Variants in SLAMF6 observed in about 807,000 individuals in gnomAD.
SLAMF6 encodes the protein NK-T-B-antigen.
A neutral mutation model predicts 38.3 loss-of-function variants in SLAMF6; 21 were observed. That is an observed-to-expected ratio of 0.55 (90% CI 0.39 to 0.79). The LOEUF (loss-of-function observed/expected upper bound fraction) is 0.79. Ranked by LOEUF, SLAMF6 falls within the 30% of genes least tolerant of loss-of-function variation. SLAMF6 has a pLI of 0.00. For missense variants in SLAMF6, 341 were observed against 385.3 expected (o/e 0.89, Z 0.96); for synonymous variants, 152 against 146.3 (o/e 1.04, Z -0.28).
intron 1 of SLAMF6, among the ~76,000 whole-genome samples, chr1:160,504,334 G>A (rs1423398858): frequency 6.6e-6 from 1 of 152,104 alleles, no homozygotes; most frequent in Non-Finnish European, 1.5e-5. Context: ...TGCATGACTA[G>A]GGTAACCATT....
chr1:160,497,170 GAAATAATAAATATAATTTC>G (rs944159769), intron 1 of SLAMF6, among the ~76,000 whole-genome samples: 1 of 152,160 alleles, frequency 6.6e-6, no homozygotes, highest in African/African-American at 2.4e-5. Context: ...GATACATATA[GAAATAATAAATATAATTTC>G]AAAGTAACAC....
At position 160,489,063 on chromosome 1, in the gene SLAMF6, G is replaced by A. The variant is rs1382858242; in HGVS notation, c.879+25C>T. On this transcript the variant is annotated intron_variant, in intron 6 of 7. Transcript: ENST00000368057. ...CAATGGCTGTAAAACTGACAACAAT[G>A]GCATATAAAGCTGAAAAGACTCACC... 4 of 1,575,508 alleles carry A rather than the reference G, an allele frequency of 2.5e-6. No homozygotes were observed. The African/African-American group carries it at 4.1e-5, about 16-fold the overall frequency.
At chr1:160,488,972 G>C (rs1260874269) in intron 6 of SLAMF6, 116 bp downstream of exon 6, 1 of 908,304 alleles carries the variant, frequency 1.1e-6, no homozygotes, top group Admixed American at 1.8e-5. Flanking sequence ...CTGTCGCTGT[G>C]GCTGTCTTCT....
intron 1 of SLAMF6, among the ~76,000 whole-genome samples, chr1:160,517,916 C>A (rs899710699): frequency 1.1e-4 from 17 of 151,910 alleles, no homozygotes; most frequent in African/African-American, 4.1e-4. Flanking sequence ...GGCTTAATAC[C>A]TAGGTGATGC....
At chr1:160,514,085 T>C (rs1409045463) in intron 1 of SLAMF6, among the ~76,000 whole-genome samples, 1 of 152,026 alleles carries the variant, frequency 6.6e-6, no homozygotes, top group Non-Finnish European at 1.5e-5. Flanking sequence ...GCTGGGTAAA[T>C]TGTGAAGACC....
At position 160,489,117 on chromosome 1, in the gene SLAMF6, C is replaced by G. The variant is rs561510433; in HGVS notation, c.850G>C (p.Val284Leu). 1 of 1,613,914 alleles carries G rather than the reference C, an allele frequency of 6.2e-7. No individual in the cohort carries two copies. The highest frequency in any genetic ancestry group is 1.1e-5 in the South Asian group (1 of 91,074). The change falls in exon 6 of 8, where the codon GTG becomes CTG. Residue 284 changes from valine (V) to leucine (L), a missense_variant. Coordinates refer to ENST00000368057, the MANE Select transcript of SLAMF6 (RefSeq NM_001184714.2). ...YVSVSPTNNT[V>L]YASVTHSNRE... ...TTTGAATGAGTGACTGAAGCATACA[C>G]AGTGTTGTTCGTTGGAGACACTGAA... is the stretch of plus-strand genomic sequence containing the variant.
chr1:160,492,799 T>C (rs1653373606), intron 2 of SLAMF6, among the ~76,000 whole-genome samples: 1 of 152,190 alleles, frequency 6.6e-6, no homozygotes. Flanking sequence ...TCTGGAGTTA[T>C]CGCTGATTCA....
rs189229776 is a variant in SLAMF6, at chr1:160,509,491, C to A, written c.50-13098G>T. On this transcript the variant is annotated intron_variant, in intron 1 of 7. Coordinates refer to ENST00000368057, the MANE Select transcript of SLAMF6 (RefSeq NM_001184714.2). ...GACACAGGGTGGGGAACATCACACACTGGGGCCTGTCAGGGGGTGGGGAGC... is the reference window on the plus strand; with the variant it reads ...GACACAGGGTGGGGAACATCACACAATGGGGCCTGTCAGGGGGTGGGGAGC... 7.3e-5 allele frequency among the ~76,000 whole-genome samples: 11 copies of A among 150,592 alleles called. No homozygotes were observed. The East Asian group carries it at 2.0e-3, about 27-fold the overall frequency.
Position 160,496,115 on chromosome 1 carries a change from G to T in SLAMF6, c.328C>A (p.Gln110Lys). ...KMEDTGSYRA[Q>K]ISTKTSAKLS... ...TTTGCAGAGGTCTTTGTGGATATCT[G>T]GGCTCTGTAAGAGCCTGTGTCTTCC... is the stretch of plus-strand genomic sequence containing the variant. The change falls in exon 2 of 8, where the codon CAG becomes AAG. Residue 110 changes from glutamine to lysine, a missense_variant. Gln to Lys is a moderately conservative substitution (Grantham distance 53, BLOSUM62 1). Coordinates refer to ENST00000368057, the MANE Select transcript of SLAMF6 (RefSeq NM_001184714.2). 6.2e-7 allele frequency: 1 copy of T among 1,613,918 alleles called. No homozygotes were observed. Among genetic ancestry groups the T allele is most frequent in the Non-Finnish European group, 8.5e-7 (1 of 1,179,894 alleles).
intron 1 of SLAMF6, among the ~76,000 whole-genome samples, chr1:160,521,929 G>C (rs1439442047): frequency 6.6e-6 from 1 of 151,842 alleles, no homozygotes; most frequent in African/African-American, 2.4e-5. Flanking sequence ...TTTTTTTACA[G>C]TTTGTCTCCT....
At chr1:160,493,116 G>A (rs145597283) in intron 2 of SLAMF6, among the ~76,000 whole-genome samples, 1 of 152,246 alleles carries the variant, frequency 6.6e-6, no homozygotes, top group African/African-American at 2.4e-5. Flanking sequence ...AAGTCTTTGT[G>A]ATGGCTCTCA....
rs35414223 is a variant in SLAMF6, at chr1:160,491,285, G to T, written c.486C>A (p.Val162=). 1,249 of 1,614,020 alleles carry T rather than the reference G, an allele frequency of 7.7e-4. 4 individuals are homozygous for T. The highest frequency in any genetic ancestry group is 8.7e-4 in the Non-Finnish European group (1,022 of 1,179,982). ...TTCCCAAGGCCTCCCATCTGAATGA[G>T]ACATTGTCATCTGCATCCTCCACAG... ...TCSVEDADDN[V]SFRWEALGNT... Residue 162 remains valine, a synonymous_variant, in exon 3 of 8, where the codon GTC becomes GTA. Transcript: ENST00000368057.
intron 1 of SLAMF6, among the ~76,000 whole-genome samples, chr1:160,499,545 C>CT (rs1035586564): frequency 8.5e-5 from 13 of 152,104 alleles, no homozygotes; most frequent in East Asian, 1.9e-4. Flanking sequence ...TATTTGGGCT[C>CT]TTTTTTTGGT....
rs746616359 is a variant in SLAMF6, at chr1:160,496,045, C to T, written c.382+16G>A. 2 of 1,600,756 alleles carry T rather than the reference C, an allele frequency of 1.2e-6. No homozygotes were observed. The highest frequency in any genetic ancestry group is 1.3e-5 in the African/African-American group (1 of 74,438). ...TTTTCAGTCCATATGGAATTAAACCCCATATTTTGACTTACTTAATATCCT... is the reference window on the plus strand; with the variant it reads ...TTTTCAGTCCATATGGAATTAAACCTCATATTTTGACTTACTTAATATCCT... On this transcript the variant is annotated intron_variant, in intron 2 of 7. Transcript: ENST00000368057.
chr1:160,490,117 G>A lies in SLAMF6; in HGVS notation c.796+81C>T, dbSNP rs571767003. ...TGACTCCTTCCTCTGTCATTATCCA[G>A]CCCTCTGCCATCCCCCTCTCTCTTC... is the stretch of plus-strand genomic sequence containing the variant. On this transcript the variant is annotated intron_variant, in intron 5 of 7. Coordinates refer to ENST00000368057, the MANE Select transcript of SLAMF6 (RefSeq NM_001184714.2). The A allele has an allele frequency of 4.1e-6, 6 of 1,467,728 alleles. No individual in the cohort carries two copies. In the South Asian group the frequency reaches 4.5e-5, roughly 11 times the overall value. 90.9% of individuals were successfully genotyped at this position (1,467,728 alleles called of 1,614,324 possible).
intron 1 of SLAMF6, among the ~76,000 whole-genome samples, chr1:160,517,321 T>C (rs185547743): frequency 1.3e-4 from 20 of 151,916 alleles, no homozygotes; most frequent in Non-Finnish European, 2.9e-4. Flanking sequence ...TACCATCTCA[T>C]GACAGAATAG....
At chr1:160,497,542 G>A (rs1653652932) in intron 1 of SLAMF6, among the ~76,000 whole-genome samples, 1 of 152,000 alleles carries the variant, frequency 6.6e-6, no homozygotes, top group Non-Finnish European at 1.5e-5. Flanking sequence ...AGATATGGGG[G>A]TACATGTGCA....
At chr1:160,492,595 A>T (rs1033406089) in intron 2 of SLAMF6, among the ~76,000 whole-genome samples, 2 of 152,134 alleles carry the variant, frequency 1.3e-5, no homozygotes, top group African/African-American at 4.8e-5. Flanking sequence ...CTGAAAAAAA[A>T]ATCCATCTTG....
chr1:160,509,364 T>A (rs941377015), intron 1 of SLAMF6, among the ~76,000 whole-genome samples: 1 of 152,160 alleles, frequency 6.6e-6, no homozygotes, highest in East Asian at 1.9e-4. Flanking sequence ...GGGACATGGA[T>A]GAAGCTGGAA....
Sources: allele counts gnomAD v4.1 joint callset (sites outside exome capture counted in the v4.1 genomes callset), GRCh38; gene constraint gnomAD v4.1.1; transcripts MANE v1.5; gene names NCBI Gene and HGNC (gene_info 2026-07-23, HGNC 2026-07-21).